Variants in AP3B1 observed in about 807,000 individuals in gnomAD.
AP3B1 encodes adaptor related protein complex 3 subunit beta 1.
AP3B1 carries 61 observed loss-of-function variants against 132.5 expected under a neutral mutation model. The ratio of observed to expected loss-of-function variants is 0.46; its 90% CI spans 0.37 to 0.57. AP3B1 has a LOEUF of 0.57. AP3B1 is among the 20% of genes least tolerant of loss of function. The pLI, the probability that AP3B1 is intolerant of heterozygous loss-of-function variation, is 0.00. For synonymous variants in AP3B1, 388 were observed against 438.3 expected (o/e 0.89, Z 1.43); for missense variants, 1,120 against 1,289.4 (o/e 0.87, Z 2.01).
chr5:78,281,434 C>CAAAAAAAAAAAAA (rs36002317), intron 1 of AP3B1, among the ~76,000 whole-genome samples: 1 of 68,256 alleles, frequency 1.5e-5, no homozygotes, highest in Non-Finnish European at 2.7e-5. Flanking sequence ...AACTCTGCCT[C>CAAAAAAAAAAAAA]AAAAAAAAAA....
intron 22 of AP3B1, among the ~76,000 whole-genome samples, chr5:78,066,238 A>G (rs1749284711): frequency 6.6e-6 from 1 of 152,140 alleles, no homozygotes; most frequent in Admixed American, 6.5e-5. Context: ...GGAAACTCAA[A>G]AAGCCAGAGT....
At chr5:78,259,565 T>TG (rs1747994260) in intron 2 of AP3B1, among the ~76,000 whole-genome samples, 1 of 152,166 alleles carries the variant, frequency 6.6e-6, no homozygotes, top group South Asian at 2.1e-4. Flanking sequence ...TATAAGGAGA[T>TG]GGATATCCCA....
At chr5:78,120,088 C>G (rs1023574117) in intron 17 of AP3B1, among the ~76,000 whole-genome samples, 1 of 152,084 alleles carries the variant, frequency 6.6e-6, no homozygotes, top group Admixed American at 6.6e-5. Context: ...TCCAGCCAAA[C>G]TAAGCTTCCT....
intron 16 of AP3B1, among the ~76,000 whole-genome samples, chr5:78,128,748 A>G (rs1468306659): frequency 1.3e-5 from 2 of 152,094 alleles, no homozygotes; most frequent in South Asian, 2.1e-4. Context: ...AACTGATATT[A>G]GTGTACACAG....
chr5:78,061,398 A>C (rs1001640785), intron 22 of AP3B1, among the ~76,000 whole-genome samples: 7 of 152,216 alleles, frequency 4.6e-5, no homozygotes, highest in Non-Finnish European at 7.3e-5. Context: ...TAGTAAATAA[A>C]GCTATGTAAA....
intron 22 of AP3B1, among the ~76,000 whole-genome samples, chr5:78,069,080 T>G (rs1161185254): frequency 6.6e-6 from 1 of 152,202 alleles, no homozygotes; most frequent in Non-Finnish European, 1.5e-5. Context: ...AAACTCTCAA[T>G]AAACTAGGTA....
intron 6 of AP3B1, among the ~76,000 whole-genome samples, chr5:78,218,762 A>G (rs1455123995): frequency 2.6e-5 from 4 of 152,134 alleles, no homozygotes; most frequent in East Asian, 1.9e-4. Context: ...GGGTCATCAC[A>G]AGAAGTGCAT....
intron 3 of AP3B1, among the ~76,000 whole-genome samples, chr5:78,230,815 A>T (rs565280642): frequency 6.6e-6 from 1 of 152,324 alleles, no homozygotes; most frequent in East Asian, 1.9e-4. Flanking sequence ...AATCTGTATG[A>T]CATTGAAAAT....
In AP3B1 at chr5:78,161,668, C is replaced by G. The variant is rs533562092; in HGVS notation, c.1363+1151G>C. ...AGATAAAAAAAAATTTTAAACCTAT[C>G]GTCTTGATAATTTTGGTTGGCATTT... On this transcript the variant is annotated intron_variant, in intron 13 of 26. Transcript: ENST00000255194. 9.3e-4 allele frequency among the ~76,000 whole-genome samples: 142 copies of G among 152,022 alleles called. 1 individual carries two copies. The highest frequency in any genetic ancestry group is 2.5e-3 in the African/African-American group (103 of 41,552).
chr5:78,186,995 A>G (rs2112425135), intron 7 of AP3B1, among the ~76,000 whole-genome samples: 1 of 152,304 alleles, frequency 6.6e-6, no homozygotes, highest in Non-Finnish European at 1.5e-5. Context: ...CAAAATTTAT[A>G]CTCTTTGAAA....
intron 14 of AP3B1, among the ~76,000 whole-genome samples, chr5:78,154,869 T>A (rs1489063391): frequency 6.6e-6 from 1 of 152,232 alleles, no homozygotes; most frequent in African/African-American, 2.4e-5. Context: ...TTATCTTGAA[T>A]TTCTTTGAGT....
chr5:78,234,192 C>T (rs925381001), intron 3 of AP3B1, among the ~76,000 whole-genome samples: 3 of 152,106 alleles, frequency 2.0e-5, no homozygotes, highest in Non-Finnish European at 2.9e-5. Flanking sequence ...CGATTAGACT[C>T]TTTACACTTT....
At chr5:78,172,695 A>C (rs761436329) in intron 11 of AP3B1, among the ~76,000 whole-genome samples, 3 of 152,136 alleles carry the variant, frequency 2.0e-5, no homozygotes, top group Non-Finnish European at 2.9e-5. Flanking sequence ...TCCTGGATTC[A>C]TTGATTTTTC....
chr5:78,239,672 G>A (rs1747036446), intron 3 of AP3B1, among the ~76,000 whole-genome samples: 1 of 150,846 alleles, frequency 6.6e-6, no homozygotes, highest in South Asian at 2.1e-4. Flanking sequence ...CCAGCTACTT[G>A]TGGGGCTGAG....
intron 21 of AP3B1, among the ~76,000 whole-genome samples, chr5:78,096,256 G>A (rs1031848863): frequency 2.0e-5 from 3 of 152,194 alleles, no homozygotes; most frequent in Admixed American, 6.5e-5. Context: ...CGAGTGATCC[G>A]CCAGCCTTGG....
intron 2 of AP3B1, among the ~76,000 whole-genome samples, chr5:78,247,637 C>T (rs1422438435): frequency 6.6e-6 from 1 of 151,912 alleles, no homozygotes; most frequent in African/African-American, 2.4e-5. Context: ...AAAGTTTACT[C>T]TCTCTGATAT....
intron 9 of AP3B1, among the ~76,000 whole-genome samples, chr5:78,176,211 C>T (rs1744142726): frequency 6.6e-6 from 1 of 151,982 alleles, no homozygotes; most frequent in South Asian, 2.1e-4. Context: ...CTTCCCAGGG[C>T]AAAGGCCAGA....
At chr5:78,178,861 A>C (rs1744255657) in intron 8 of AP3B1, among the ~76,000 whole-genome samples, 1 of 152,162 alleles carries the variant, frequency 6.6e-6, no homozygotes, top group Non-Finnish European at 1.5e-5. Flanking sequence ...CCTAAATAGT[A>C]TACAGCACAG....
At chr5:78,073,203 A>G (rs1341274118) in intron 22 of AP3B1, among the ~76,000 whole-genome samples, 2 of 152,330 alleles carry the variant, frequency 1.3e-5, no homozygotes, top group South Asian at 4.1e-4. Flanking sequence ...TTTTGTAAAT[A>G]TCATAACATC....
Sources: gnomAD v4.1 joint callset for allele counts (sites outside exome capture counted in the v4.1 genomes callset) on GRCh38, gnomAD v4.1.1 for gene constraint, MANE v1.5 for transcripts, NCBI Gene and HGNC (gene_info 2026-07-23, HGNC 2026-07-21) for gene names.